Variants in ATXN7 observed in about 807,000 individuals in gnomAD.
The protein encoded by ATXN7 is ataxin-7.
Under a neutral mutation model 70.5 loss-of-function variants are expected in ATXN7, and 12 were observed. The ratio of observed to expected loss-of-function variants is 0.17; its 90% CI spans 0.11 to 0.28. ATXN7 has a LOEUF of 0.28. Among genes scored for constraint, ATXN7 ranks in the 10% least tolerant of loss-of-function variants. The pLI is 1.00. For synonymous variants in ATXN7, 498 were observed against 448.7 expected (o/e 1.11, Z -1.39); for missense variants, 1,256 against 1,131.7 (o/e 1.11, Z -1.58).
chr3:63,930,679 C>T (rs533698426), intron 4 of ATXN7, among the ~76,000 whole-genome samples: 6 of 152,210 alleles, frequency 3.9e-5, no homozygotes, highest in African/African-American at 1.2e-4. Flanking sequence ...CAGGCGCCCA[C>T]GACCACGCCC....
chr3:63,999,337 G>T, intron 12 of ATXN7, 113 bp from the exon 13 acceptor site: 1 of 862,612 alleles, frequency 1.2e-6, no homozygotes, highest in South Asian at 1.5e-5. Context: ...TCAGTCAATG[G>T]AGACTTTAGT....
intron 4 of ATXN7, among the ~76,000 whole-genome samples, chr3:63,927,802 G>A (rs563250151): frequency 2.6e-5 from 4 of 151,918 alleles, no homozygotes; most frequent in Non-Finnish European, 5.9e-5. Flanking sequence ...AGACAGACTC[G>A]GTGTCTGCTG....
intron 12 of ATXN7, 46 bp from the exon 13 acceptor site, chr3:63,999,404 G>A (rs1026511494): frequency 1.4e-5 from 21 of 1,495,952 alleles, no homozygotes; most frequent in East Asian, 1.4e-4. Flanking sequence ...GTGTACAAAC[G>A]CTTACTTACC....
At chr3:63,915,160 C>T (rs1285531283) in intron 4 of ATXN7, among the ~76,000 whole-genome samples, 1 of 152,206 alleles carries the variant, frequency 6.6e-6, no homozygotes, top group African/African-American at 2.4e-5. Context: ...TGGTCTCAAT[C>T]TCCTAACCTC....
chr3:63,971,275 G>A lies in ATXN7; in HGVS notation c.500-8640G>A, dbSNP rs3774722. On this transcript the variant is annotated intron_variant, in intron 5 of 12. Coordinates refer to ENST00000674280, the MANE Select transcript of ATXN7 (RefSeq NM_001377405.1). Reference sequence around the variant, plus strand: ...TTGGCTAATTGTCCTTTGAGGCACTGCATGTCAGAGGTCAGTTCTGAATTC... The same window carrying A: ...TTGGCTAATTGTCCTTTGAGGCACTACATGTCAGAGGTCAGTTCTGAATTC... Among the ~76,000 whole-genome samples the A allele has an allele frequency of 2.6e-5, 4 of 152,324 alleles. No homozygotes were observed. The East Asian group carries it at 7.7e-4, about 29-fold the overall frequency.
rs1250803895 is a variant in ATXN7 at position 63,990,599 on chromosome 3, ACT to A, written c.1561-135_1561-134del. The A allele has an allele frequency of 2.3e-5, 31 of 1,372,610 alleles. 1 individual carries two copies. Among genetic ancestry groups the A allele is most frequent in the Non-Finnish European group, 3.1e-5 (30 of 983,214 alleles). 85.0% of individuals were successfully genotyped at this position (1,372,610 alleles called of 1,614,324 possible). ...ATGACGCTCAGGGCTAGGCATTGTC[ACT>A]CTCATGCTTCACAGCCTCCGGTACT... On this transcript the variant is annotated intron_variant, in intron 10 of 12. Transcript: ENST00000674280.
chr3:63,931,516 A>G (rs921747282), intron 4 of ATXN7, among the ~76,000 whole-genome samples: 10 of 152,178 alleles, frequency 6.6e-5, no homozygotes, highest in African/African-American at 1.4e-4. Flanking sequence ...TTCTCTTGCT[A>G]CAGAGAGCAA....
rs1323085488 is a variant in ATXN7 at position 63,988,310 on chromosome 3, C to T, written c.1347C>T (p.Thr449=). The stretch of plus-strand genomic sequence containing the variant: ...TAGCTAGTAAACCTAAACCTCACAC[C>T]CCCAGTCTTCCAAGGTAAGCCAGGC... ...PFVASKPKPH[T]PSLPRPPGCP... The change falls in exon 9 of 13, where the codon ACC becomes ACT. Residue 449 remains threonine, a synonymous_variant. Transcript: ENST00000674280. The T allele has an allele frequency of 6.2e-7, 1 of 1,613,934 alleles. No homozygotes were observed. The highest frequency in any genetic ancestry group is 8.5e-7 in the Non-Finnish European group (1 of 1,180,020).
At chr3:63,946,621 C>T (rs1054925719) in intron 4 of ATXN7, among the ~76,000 whole-genome samples, 1 of 141,700 alleles carries the variant, frequency 7.1e-6, no homozygotes, top group Non-Finnish European at 1.5e-5. Flanking sequence ...CCAGCCTGGG[C>T]GACAGAGCGA....
At chr3:63,991,835 G>A (rs1214942438) in intron 11 of ATXN7, among the ~76,000 whole-genome samples, 2 of 149,552 alleles carry the variant, frequency 1.3e-5, no homozygotes, top group East Asian at 1.9e-4. Flanking sequence ...AAAAAAAAAA[G>A]GTTCTGTTTT....
At chr3:63,882,899 A>C (rs1702958593) in intron 1 of ATXN7, among the ~76,000 whole-genome samples, 1 of 152,216 alleles carries the variant, frequency 6.6e-6, no homozygotes, top group Admixed American at 6.5e-5. Flanking sequence ...AACATGAGCC[A>C]GTACTTAAAG....
intron 2 of ATXN7, 68 bp from the exon 3 acceptor site, chr3:63,912,520 C>G (rs1169755724): frequency 2.0e-6 from 2 of 1,005,006 alleles, no homozygotes; most frequent in South Asian, 2.7e-5. Context: ...GCCGCCGGAA[C>G]TCCCTGGCGC....
intron 2 of ATXN7, among the ~76,000 whole-genome samples, chr3:63,903,088 T>A (rs1703705276): frequency 6.6e-6 from 1 of 151,944 alleles, no homozygotes; most frequent in African/African-American, 2.4e-5. Context: ...TCATCACCAC[T>A]TTTTCACAAA....
At chr3:63,921,838 A>G (rs1704522669) in intron 4 of ATXN7, among the ~76,000 whole-genome samples, 1 of 152,186 alleles carries the variant, frequency 6.6e-6, no homozygotes, top group African/African-American at 2.4e-5. Context: ...ATTAAATGAT[A>G]TAATGCAGGT....
chr3:63,954,460 G>T (rs1328243375), intron 5 of ATXN7, among the ~76,000 whole-genome samples: 6 of 152,164 alleles, frequency 3.9e-5, no homozygotes, highest in African/African-American at 1.4e-4. Flanking sequence ...AGCTCACAGG[G>T]CCTCAGTGCC....
At chr3:63,863,806 G>A (rs1702308597), upstream of ATXN7, 1 of 1,108,454 alleles carries the variant, frequency 9.0e-7, no homozygotes, top group South Asian at 4.0e-5. Context: ...GCGCGGCGGC[G>A]GCGGCGGCGG....
At chr3:63,956,637 G>T (rs1371926430) in intron 5 of ATXN7, among the ~76,000 whole-genome samples, 2 of 152,032 alleles carry the variant, frequency 1.3e-5, no homozygotes, top group Admixed American at 1.3e-4. Context: ...ACAGCTCCCT[G>T]GGCTGATTCT....
intron 4 of ATXN7, among the ~76,000 whole-genome samples, chr3:63,936,294 T>C (rs188679801): frequency 6.6e-6 from 1 of 152,326 alleles, no homozygotes; most frequent in East Asian, 1.9e-4. Flanking sequence ...GCAAGCCAGC[T>C]ATCTCACCTG....
intron 4 of ATXN7, among the ~76,000 whole-genome samples, chr3:63,915,363 G>T (rs1704220814): frequency 6.6e-6 from 1 of 152,200 alleles, no homozygotes; most frequent in South Asian, 2.1e-4. Context: ...TTTAAATTCA[G>T]TCAGTTCTTC....
Sources: allele counts gnomAD v4.1 joint callset (sites outside exome capture counted in the v4.1 genomes callset), GRCh38; gene constraint gnomAD v4.1.1; transcripts MANE v1.5; gene names NCBI Gene and HGNC (gene_info 2026-07-23, HGNC 2026-07-21).